NRCAM: variants seen among roughly 807,000 people sequenced by gnomAD.
NRCAM encodes neuronal cell adhesion molecule, also known as NgCAM-related cell adhesion molecule.
In NRCAM, 83 loss-of-function variants were observed where a neutral mutation model predicts 156.5. That is an observed-to-expected ratio of 0.53 (90% CI 0.44 to 0.64). The LOEUF (loss-of-function observed/expected upper bound fraction) is 0.64. NRCAM is among the 30% of genes least tolerant of loss of function. The probability of loss-of-function intolerance (pLI) is 0.00; values close to 1 mark genes in which losing one functional copy is unlikely to be tolerated. For missense variants in NRCAM, 1,417 were observed against 1,597.3 expected (o/e 0.89, Z 1.92); for synonymous variants, 538 against 563.9 (o/e 0.95, Z 0.65).
intron 13 of NRCAM, among the ~76,000 whole-genome samples, chr7:108,202,931 A>G (rs1384323901): frequency 6.6e-6 from 1 of 152,210 alleles, no homozygotes; most frequent in Non-Finnish European, 1.5e-5. Context: ...GCTGGAAACT[A>G]TCAAGGATCT....
At chr7:108,160,665 GA>G (rs1409092046) in intron 30 of NRCAM, among the ~76,000 whole-genome samples, 173 bp from the exon 31 acceptor site, 1 of 152,226 alleles carries the variant, frequency 6.6e-6, no homozygotes, top group South Asian at 2.1e-4. Context: ...AATTAACTTT[GA>G]AAAATCTTCA....
chr7:108,435,787 G>GC (rs1294393360), intron 1 of NRCAM, among the ~76,000 whole-genome samples: 3 of 152,154 alleles, frequency 2.0e-5, no homozygotes, highest in African/African-American at 4.8e-5. Flanking sequence ...CTATATCTGG[G>GC]CACATCAAAG....
intron 1 of NRCAM, among the ~76,000 whole-genome samples, chr7:108,450,307 C>T (rs1848914070): frequency 6.6e-6 from 1 of 151,468 alleles, no homozygotes; most frequent in Non-Finnish European, 1.5e-5. Context: ...GATGGAAACC[C>T]TCCATCAGAC....
intron 3 of NRCAM, among the ~76,000 whole-genome samples, chr7:108,266,493 T>A (rs559580162): frequency 6.6e-6 from 1 of 152,208 alleles, no homozygotes; most frequent in Non-Finnish European, 1.5e-5. Context: ...CACATGAGGT[T>A]TACTACACTG....
Position 108,225,648 on chromosome 7 carries a change from C to G in NRCAM, c.775G>C (p.Gly259Arg). The stretch of plus-strand genomic sequence containing the variant: ...AGTTACAATCACCATAACTCACCAC[C>G]ATAAAACTCAGTGTCACTCAAATTA... ...AANLSDTEFY[G>R]AKSSRERPPT... is the part of the protein sequence containing the mutation. The change falls in exon 10 of 33, where the codon GGT (glycine) becomes CGT (arginine). Residue 259 changes from glycine (G) to arginine (R), a missense_variant. Physicochemically the swap from Gly to Arg is moderately radical, Grantham distance 125 (BLOSUM62 -2). Coordinates refer to ENST00000379028, the MANE Select transcript of NRCAM (RefSeq NM_001037132.4). 6.3e-7 allele frequency: 1 copy of G among 1,581,256 alleles called. No individual in the cohort carries two copies. Among genetic ancestry groups the G allele is most frequent in the Non-Finnish European group, 8.7e-7 (1 of 1,150,410 alleles).
At chr7:108,182,489 T>C (rs1043794315) in intron 23 of NRCAM, among the ~76,000 whole-genome samples, 3 of 152,252 alleles carry the variant, frequency 2.0e-5, no homozygotes, top group Non-Finnish European at 4.4e-5. Flanking sequence ...ACCAATCCCC[T>C]GTGGATACCA....
chr7:108,342,056 C>A (rs1017276525), intron 2 of NRCAM, among the ~76,000 whole-genome samples: 1 of 152,222 alleles, frequency 6.6e-6, no homozygotes, highest in African/African-American at 2.4e-5. Flanking sequence ...AACGTCTCAA[C>A]TCACTTGGAC....
At chr7:108,432,441 C>A (rs932185102) in intron 1 of NRCAM, among the ~76,000 whole-genome samples, 1 of 152,186 alleles carries the variant, frequency 6.6e-6, no homozygotes, top group Non-Finnish European at 1.5e-5. Context: ...TTGCTCCAAC[C>A]CTAAGTGGCT....
chr7:108,241,095 C>T (rs1235560723), intron 3 of NRCAM, among the ~76,000 whole-genome samples: 3 of 152,198 alleles, frequency 2.0e-5, no homozygotes, highest in Middle Eastern at 3.4e-3. Context: ...GCTGATCACC[C>T]GAACTAGAAG....
At chr7:108,305,481 C>G (rs2098702015) in intron 3 of NRCAM, among the ~76,000 whole-genome samples, 1 of 152,144 alleles carries the variant, frequency 6.6e-6, no homozygotes, top group South Asian at 2.1e-4. Context: ...TTAACTGCAT[C>G]TTCTCTGTGC....
At chr7:108,314,474 A>G (rs1158178998) in intron 2 of NRCAM, among the ~76,000 whole-genome samples, 1 of 152,202 alleles carries the variant, frequency 6.6e-6, no homozygotes, top group Non-Finnish European at 1.5e-5. Context: ...TCAAAAGGTC[A>G]AGATAAGATT....
intron 3 of NRCAM, among the ~76,000 whole-genome samples, chr7:108,256,487 G>A (rs372975633): frequency 1.4e-3 from 181 of 130,952 alleles, no homozygotes; most frequent in African/African-American, 4.7e-3. Context: ...CAAACACTGC[G>A]GAAGGCCGCA....
At chr7:108,416,586 T>A (rs1801848827) in intron 1 of NRCAM, among the ~76,000 whole-genome samples, 1 of 151,394 alleles carries the variant, frequency 6.6e-6, no homozygotes. Context: ...GACAAATAAT[T>A]AAAAAAAAAA....
At chr7:108,420,524 G>A (rs1990163) in intron 1 of NRCAM, among the ~76,000 whole-genome samples, 3 of 152,126 alleles carry the variant, frequency 2.0e-5, no homozygotes, top group Admixed American at 2.0e-4. Flanking sequence ...CTTTACAAGG[G>A]GGGGAGTTTC....
At position 108,180,271 on chromosome 7, in the gene NRCAM, CT is replaced by C. The variant is rs773123330; in HGVS notation, c.2802del (p.Glu936ArgfsTer23). The C allele has an allele frequency of 6.2e-7, 1 of 1,614,258 alleles. No homozygotes were observed. The highest frequency in any genetic ancestry group is 8.5e-7 in the Non-Finnish European group (1 of 1,180,034). ...CTGTCAGGGCTGGCTGGGCCCTCCC[CT>C]TTCCCATTGACCACTCGGACATTCA... ...YTLNVRVVNG[K>X]GEGPASPDRV... On this transcript the variant is annotated frameshift_variant, in exon 25 of 33. Coordinates refer to ENST00000379028, the MANE Select transcript of NRCAM (RefSeq NM_001037132.4). LOFTEE classifies it high-confidence loss of function.
intron 10 of NRCAM, 131 bp downstream of exon 10, chr7:108,225,514 T>C: frequency 2.8e-6 from 2 of 713,338 alleles, no homozygotes; most frequent in South Asian, 3.2e-5. Context: ...AACATACATT[T>C]ATACTAGTGG....
At chr7:108,286,549 A>G (rs2098109667) in intron 3 of NRCAM, among the ~76,000 whole-genome samples, 1 of 152,174 alleles carries the variant, frequency 6.6e-6, no homozygotes, top group South Asian at 2.1e-4. Flanking sequence ...TGGAAAAGGA[A>G]GTATTTATTG....
intron 3 of NRCAM, among the ~76,000 whole-genome samples, chr7:108,293,084 G>C (rs1026169586): frequency 2.0e-5 from 3 of 152,054 alleles, no homozygotes; most frequent in African/African-American, 7.2e-5. Flanking sequence ...AGAAAACGGG[G>C]GTCAATGCAG....
chr7:108,239,407 A>T (rs1251821631), intron 4 of NRCAM, among the ~76,000 whole-genome samples: 1 of 152,176 alleles, frequency 6.6e-6, no homozygotes, highest in Non-Finnish European at 1.5e-5. Flanking sequence ...ACTTATATTT[A>T]GGATTCAAAA....
Sources: allele counts gnomAD v4.1 joint callset (sites outside exome capture counted in the v4.1 genomes callset), GRCh38; gene constraint gnomAD v4.1.1; transcripts MANE v1.5; gene names NCBI Gene and HGNC (gene_info 2026-07-23, HGNC 2026-07-21).